The following LGSN variants were observed in gnomAD, a reference collection of about 807,000 sequenced individuals.
LGSN encodes the protein lengsin, lens protein with glutamine synthetase domain, also known as lengsin.
Under a neutral mutation model 19.5 loss-of-function variants are expected in LGSN, and 21 were observed. The observed-to-expected ratio is 1.07, with a 90% CI of 0.76 to 1.55. The LOEUF is 1.55. Ranked by LOEUF, LGSN falls within the 40% of genes most tolerant of loss-of-function variation. The pLI is 0.00. For synonymous variants in LGSN, 257 were observed against 215.6 expected, an observed-to-expected ratio of 1.19 and a Z score of -1.68; for missense variants, 673 against 608.5, an observed-to-expected ratio of 1.11 and a Z score of -1.12.
At chr6:63,374,355 A>G in the LGSN span, among the ~76,000 whole-genome samples, 2 of 152,194 alleles carry the variant, frequency 1.3e-5, no homozygotes, top group Non-Finnish European at 2.9e-5. Flanking sequence ...GAAATAGTTG[A>G]TACTCCTTCT....
chr6:63,288,892 G>GT (rs1767657327), intron 2 of LGSN, among the ~76,000 whole-genome samples: 1 of 152,184 alleles, frequency 6.6e-6, no homozygotes, highest in African/African-American at 2.4e-5. Context: ...TTTAAAGAAC[G>GT]TATCTCCAAA....
the LGSN span, among the ~76,000 whole-genome samples, chr6:63,348,432 C>T: frequency 1.4e-3 from 219 of 151,376 alleles, 2 homozygotes; most frequent in African/African-American, 4.6e-3. Context: ...CCAGCCTGGG[C>T]GACAGAGTTA....
the LGSN span, among the ~76,000 whole-genome samples, chr6:63,494,750 A>G: frequency 5.3e-5 from 8 of 152,228 alleles, no homozygotes; most frequent in African/African-American, 1.9e-4. Flanking sequence ...ATGGTGTGCC[A>G]TAGGCAAAAC....
intron 2 of LGSN, among the ~76,000 whole-genome samples, chr6:63,291,114 C>T (rs1488891248): frequency 1.3e-5 from 2 of 152,204 alleles, no homozygotes; most frequent in African/African-American, 4.8e-5. Flanking sequence ...GACTCATTTA[C>T]TCGGCCACTG....
At chr6:63,477,687 C>CTT in the LGSN span, among the ~76,000 whole-genome samples, 445 of 61,008 alleles carry the variant, frequency 7.3e-3, 40 homozygotes, top group African/African-American at 0.021. Flanking sequence ...TTCTTTTTTT[C>CTT]TTTTTTTTTT....
At chr6:63,573,105 C>G in the LGSN span, 1 of 169,686 alleles carries the variant, frequency 5.9e-6, no homozygotes, top group Non-Finnish European at 1.2e-5. Flanking sequence ...GCCCTTGGCC[C>G]TTTGGTCTGG....
At chr6:63,393,200 C>T in the LGSN span, among the ~76,000 whole-genome samples, 1 of 151,198 alleles carries the variant, frequency 6.6e-6, no homozygotes, top group Non-Finnish European at 1.5e-5. Flanking sequence ...TGGAGTCTCA[C>T]TCTGTCGCCC....
At chr6:63,312,692 AT>A (rs1258998565) in intron 1 of LGSN, among the ~76,000 whole-genome samples, 2 of 152,190 alleles carry the variant, frequency 1.3e-5, no homozygotes, top group African/African-American at 4.8e-5. Context: ...ACAAGGAACT[AT>A]TTATATCTCT....
rs1767199812 is a variant in LGSN at position 63,279,369 on chromosome 6, C to A, written c.*652G>T. The A allele has an allele frequency of 6.6e-6, 1 of 152,194 alleles. No homozygotes were observed. Among genetic ancestry groups the A allele is most frequent in the Admixed American group, 6.5e-5 (1 of 15,276 alleles). The allele number at this position is 152,194 out of a possible 1,614,324, so 9.4% of individuals were successfully genotyped here. A position where few individuals can be genotyped will look rare whatever the true frequency, so the allele number is the denominator to read the frequency against. On this transcript the variant is annotated 3_prime_UTR_variant, in exon 4 of 4. Transcript: ENST00000370657. ...CGTTGTTCTCAGCTCCAATTCTATT[C>A]CTTAGGGATTTGTTTCTTGAGGACA...
At chr6:63,454,818 G>T in the LGSN span, among the ~76,000 whole-genome samples, 2 of 90,398 alleles carry the variant, frequency 2.2e-5, no homozygotes, top group African/African-American at 9.0e-5. Flanking sequence ...TTTTTGAGAC[G>T]GAGTCTTTGT....
the LGSN span, among the ~76,000 whole-genome samples, chr6:63,346,691 G>A: frequency 2.0e-5 from 3 of 152,110 alleles, no homozygotes; most frequent in East Asian, 1.9e-4. Flanking sequence ...TGAAGTGGGG[G>A]CAATCCTGTG....
chr6:63,333,926 G>A, the LGSN span, among the ~76,000 whole-genome samples: 1 of 152,070 alleles, frequency 6.6e-6, no homozygotes, highest in Non-Finnish European at 1.5e-5. Context: ...ATTCAACATG[G>A]CTTCATTATT....
chr6:63,431,088 TC>T, the LGSN span, among the ~76,000 whole-genome samples: 1 of 152,194 alleles, frequency 6.6e-6, no homozygotes, highest in Non-Finnish European at 1.5e-5. Flanking sequence ...ATATACATTA[TC>T]CCATTTGATC....
the LGSN span, chr6:63,572,593 GCCACCGCCGCTCCGCCACGA>G: frequency 9.6e-6 from 4 of 417,416 alleles, no homozygotes; most frequent in African/African-American, 2.1e-5. Context: ...CTGCATCGCC[GCCACCGCCGCTCCGCCACGA>G]CCACCGCCGC....
chr6:63,492,695 G>T, the LGSN span, among the ~76,000 whole-genome samples: 1 of 152,134 alleles, frequency 6.6e-6, no homozygotes, highest in Non-Finnish European at 1.5e-5. Flanking sequence ...GCTTTTCCAG[G>T]CACAGAACAG....
the LGSN span, among the ~76,000 whole-genome samples, chr6:63,419,710 G>GCAA: frequency 1.3e-5 from 2 of 150,822 alleles, no homozygotes; most frequent in African/African-American, 4.9e-5. Context: ...TCAACATGGT[G>GCAA]AAACCCGTCT....
chr6:63,477,678 TCTTTTTTTC>T, the LGSN span, among the ~76,000 whole-genome samples: 1 of 128,584 alleles, frequency 7.8e-6, no homozygotes, highest in African/African-American at 3.0e-5. Flanking sequence ...TTCTTCTTCT[TCTTTTTTTC>T]TTTTTTTTTT....
chr6:63,453,723 G>A, the LGSN span, among the ~76,000 whole-genome samples: 1 of 151,718 alleles, frequency 6.6e-6, no homozygotes, highest in Non-Finnish European at 1.5e-5. Flanking sequence ...GCGGGATCTC[G>A]GCTCACTGCA....
At chr6:63,326,045 C>A in the LGSN span, among the ~76,000 whole-genome samples, 446 of 151,966 alleles carry the variant, frequency 2.9e-3, 3 homozygotes, top group African/African-American at 0.01. Context: ...TCCCTGAGCT[C>A]GACACAAAGG....
Sources: gnomAD v4.1 joint callset for allele counts (sites outside exome capture counted in the v4.1 genomes callset) on GRCh38, gnomAD v4.1.1 for gene constraint, MANE v1.5 for transcripts, NCBI Gene and HGNC (gene_info 2026-07-23, HGNC 2026-07-21) for gene names.